Variants in PHACTR3 observed in about 807,000 individuals in gnomAD.
PHACTR3 encodes the protein phosphatase and actin regulator 3.
PHACTR3 carries 16 observed loss-of-function variants against 66.8 expected under a neutral mutation model. The ratio of observed to expected loss-of-function variants is 0.24; its 90% CI spans 0.16 to 0.36. The LOEUF (loss-of-function observed/expected upper bound fraction) is 0.36. Ranked by LOEUF, PHACTR3 falls within the 10% of genes least tolerant of loss-of-function variation. PHACTR3 has a pLI of 1.00. For missense variants in PHACTR3, 647 were observed against 719.9 expected, an observed-to-expected ratio of 0.90 and a Z score of 1.16; for synonymous variants, 323 against 292.1, an observed-to-expected ratio of 1.11 and a Z score of -1.08.
At chr20:59,600,715 G>T (rs1222780757), upstream of PHACTR3, among the ~76,000 whole-genome samples, 1 of 152,216 alleles carries the variant, frequency 6.6e-6, no homozygotes, top group Non-Finnish European at 1.5e-5. Context: ...CCATCTTTGT[G>T]GTTCTTCAGG....
chr20:59,797,703 A>G (rs2041293320), intron 7 of PHACTR3, among the ~76,000 whole-genome samples: 2 of 152,166 alleles, frequency 1.3e-5, no homozygotes, highest in Non-Finnish European at 2.9e-5. Context: ...TGGCTGCCAA[A>G]TACTTTTTCT....
intron 11 of PHACTR3, among the ~76,000 whole-genome samples, chr20:59,842,859 T>C (rs1352280176): frequency 6.6e-6 from 1 of 152,028 alleles, no homozygotes; most frequent in East Asian, 1.9e-4. Context: ...AATGGAACAC[T>C]TACATAATAC....
At chr20:59,737,405 G>T (rs560753596) in intron 1 of PHACTR3, among the ~76,000 whole-genome samples, 1 of 152,326 alleles carries the variant, frequency 6.6e-6, no homozygotes, top group African/African-American at 2.4e-5. Flanking sequence ...AGGGCCTGCA[G>T]TCAGGAGCTT....
intron 8 of PHACTR3, among the ~76,000 whole-genome samples, chr20:59,833,098 T>C (rs6100619): frequency 0.02 from 3,082 of 152,140 alleles, 121 homozygotes; most frequent in African/African-American, 0.068. Flanking sequence ...GAGAGGCAGG[T>C]TGGTGACAAG....
In PHACTR3 at chr20:59,806,150, A is replaced by C. The variant is rs1469056284; in HGVS notation, c.1284A>C (p.Glu428Asp). 8.7e-6 allele frequency: 14 copies of C among 1,614,124 alleles called. No homozygotes were observed. Among genetic ancestry groups the C allele is most frequent in the Non-Finnish European group, 1.2e-5 (14 of 1,180,048 alleles). ...ACATTTTCCCCAGAAGGACTGATGA[A>C]GAAAGACAGGAGATCCGGCAGCAGA... ...DRNIFPRRTD[E>D]ERQEIRQQIE... The change falls in exon 8 of 13, where the codon GAA becomes GAC. Residue 428 changes from glutamate (E) to aspartate (D), a missense_variant. Around this residue, in one of 2 missense-constraint regions of PHACTR3, gnomAD observed 577 missense variants for 571.1 expected, o/e 1.01. Coordinates refer to ENST00000371015, the MANE Select transcript of PHACTR3 (RefSeq NM_080672.5).
At chr20:59,687,013 ATGG>A (rs1296776228) in intron 1 of PHACTR3, among the ~76,000 whole-genome samples, 5 of 144,960 alleles carry the variant, frequency 3.4e-5, no homozygotes, top group East Asian at 2.2e-4. Context: ...GATTGTGATG[ATGG>A]TGGTGATGAT....
At chr20:59,599,184 G>T (rs942401786) in intron 1 of PHACTR3, among the ~76,000 whole-genome samples, 1 of 152,242 alleles carries the variant, frequency 6.6e-6, no homozygotes, top group Admixed American at 6.5e-5. Context: ...TCCTGGAGCA[G>T]GGCAGTTGCC....
intron 1 of PHACTR3, among the ~76,000 whole-genome samples, chr20:59,586,057 T>C (rs913674106): frequency 6.6e-6 from 1 of 152,156 alleles, no homozygotes; most frequent in African/African-American, 2.4e-5. Flanking sequence ...TCTTCTCCAA[T>C]ACCCACCCTA....
intron 5 of PHACTR3, among the ~76,000 whole-genome samples, chr20:59,771,525 C>G (rs907400456): frequency 2.6e-5 from 4 of 152,136 alleles, no homozygotes; most frequent in African/African-American, 9.7e-5. Flanking sequence ...CCCAAACCAG[C>G]TACCACCTCC....
chr20:59,629,952 C>G (rs2034607456), intron 1 of PHACTR3, among the ~76,000 whole-genome samples: 1 of 152,026 alleles, frequency 6.6e-6, no homozygotes, highest in African/African-American at 2.4e-5. Flanking sequence ...CAAGGGGGTT[C>G]CATGCAGCCA....
chr20:59,695,696 T>G (rs2037270671), intron 1 of PHACTR3, among the ~76,000 whole-genome samples: 1 of 152,036 alleles, frequency 6.6e-6, no homozygotes, highest in Non-Finnish European at 1.5e-5. Context: ...GTTTAGAAAA[T>G]GGGGAGAGTA....
intron 4 of PHACTR3, among the ~76,000 whole-genome samples, chr20:59,756,612 G>A (rs1319665400): frequency 6.6e-6 from 1 of 152,068 alleles, no homozygotes; most frequent in Non-Finnish European, 1.5e-5. Flanking sequence ...CTCACGCAGA[G>A]GCCCCCTCCA....
At chr20:59,638,777 T>G (rs1335538222) in intron 1 of PHACTR3, among the ~76,000 whole-genome samples, 1 of 138,786 alleles carries the variant, frequency 7.2e-6, no homozygotes, top group Non-Finnish European at 1.5e-5. Flanking sequence ...GATGGACGGA[T>G]GGATAAATGG....
chr20:59,812,917 G>A (rs2041779262), intron 8 of PHACTR3, among the ~76,000 whole-genome samples: 1 of 152,138 alleles, frequency 6.6e-6, no homozygotes, highest in African/African-American at 2.4e-5. Context: ...GTGTCCCTGG[G>A]TCTCACAGTT....
At chr20:59,729,779 G>T (rs1359227045) in intron 1 of PHACTR3, among the ~76,000 whole-genome samples, 1 of 152,194 alleles carries the variant, frequency 6.6e-6, no homozygotes, top group African/African-American at 2.4e-5. Context: ...CCAGGCCCAG[G>T]CAAGGGGCCT....
intron 1 of PHACTR3, among the ~76,000 whole-genome samples, chr20:59,648,731 A>C (rs1191648721): frequency 6.6e-6 from 1 of 152,168 alleles, no homozygotes. Flanking sequence ...TTTTGGCACT[A>C]ATTAAAGAGG....
At chr20:59,746,241 G>A (rs960111954) in intron 2 of PHACTR3, among the ~76,000 whole-genome samples, 2 of 152,188 alleles carry the variant, frequency 1.3e-5, no homozygotes, top group African/African-American at 4.8e-5. Context: ...AAGCCACCCG[G>A]GAGGTCAAGG....
chr20:59,659,830 G>A (rs781010559), intron 1 of PHACTR3, among the ~76,000 whole-genome samples: 4 of 152,118 alleles, frequency 2.6e-5, no homozygotes, highest in Non-Finnish European at 5.9e-5. Flanking sequence ...TCTGAACCTT[G>A]GAGTGCTTTG....
intron 1 of PHACTR3, among the ~76,000 whole-genome samples, chr20:59,730,953 G>A (rs2146717964): frequency 1.3e-5 from 2 of 152,208 alleles, no homozygotes; most frequent in East Asian, 3.9e-4. Context: ...GTGAGTGAGG[G>A]ACGCATTTTC....
Sources: allele counts gnomAD v4.1 joint callset (sites outside exome capture counted in the v4.1 genomes callset), GRCh38; gene constraint gnomAD v4.1.1; regional missense constraint gnomAD v4.1.1; transcripts MANE v1.5; gene names NCBI Gene and HGNC (gene_info 2026-07-23, HGNC 2026-07-21).